MYLK: variants seen among roughly 807,000 people sequenced by gnomAD.
MYLK encodes myosin light chain kinase, also known as myosin light chain kinase, smooth muscle.
MYLK carries 106 observed loss-of-function variants against 203.4 expected under a neutral mutation model. The observed-to-expected ratio is 0.52, with a 90% CI of 0.45 to 0.61. The LOEUF is 0.61. MYLK is among the 20% of genes least tolerant of loss of function. The pLI is 0.00. For missense variants in MYLK, 2,072 were observed against 2,442.3 expected, an observed-to-expected ratio of 0.85 and a Z score of 3.20; for synonymous variants, 867 against 959.5, an observed-to-expected ratio of 0.90 and a Z score of 1.78.
At chr3:123,682,428 G>A (rs2060301423) in intron 19 of MYLK, 118 bp from the exon 20 acceptor site, 2 of 802,128 alleles carry the variant, frequency 2.5e-6, no homozygotes, top group African/African-American at 1.7e-5. Flanking sequence ...GGCCCTTTGT[G>A]CCCGCTGGGC....
chr3:123,666,213 A>G lies in MYLK; in HGVS notation c.3831+6T>C. The G allele has an allele frequency of 6.2e-7, 1 of 1,614,168 alleles. No individual in the cohort carries two copies. Among genetic ancestry groups the G allele is most frequent in the Non-Finnish European group, 8.5e-7 (1 of 1,180,026 alleles). On this transcript the variant is annotated splice_donor_region_variant and intron_variant, in intron 22 of 33. Transcript: ENST00000360304. ...CCCCCAGTGCCCACCCCATACCGTC[A>G]CTGACCTGCTTTCGGAACTTCATCC...
Position 123,664,245 on chromosome 3 carries a change from T to C in MYLK, c.3845A>G (p.Glu1282Gly). The C allele has an allele frequency of 6.2e-7, 1 of 1,614,158 alleles. No homozygotes were observed. The highest frequency in any genetic ancestry group is 8.5e-7 in the Non-Finnish European group (1 of 1,180,022). Residue 1282 changes from glutamate to glycine, a missense_variant, in exon 23 of 34, where the codon GAG (glutamate) becomes GGG (glycine). This residue lies in a region of MYLK where 865 missense variants were observed against 1,016.0 expected (regional missense o/e 0.85). Coordinates refer to ENST00000360304, the MANE Select transcript of MYLK (RefSeq NM_053025.4). Reference protein sequence around the residue: ...MKFRKQIQESEHMKVENSENG... With the variant: ...MKFRKQIQESGHMKVENSENG... ...CTCGCTGTTCTCCACCTTCATGTGC[T>C]CGCTTTCCTGGATCTAGGGGCGGAG...
intron 4 of MYLK, among the ~76,000 whole-genome samples, chr3:123,789,894 C>G (rs1479095734): frequency 6.6e-6 from 1 of 152,204 alleles, no homozygotes; most frequent in African/African-American, 2.4e-5. Context: ...AAGGAACCCC[C>G]ATCCCTGTGC....
chr3:123,736,905 C>T (rs919341064), intron 8 of MYLK, among the ~76,000 whole-genome samples: 5 of 152,144 alleles, frequency 3.3e-5, no homozygotes, highest in African/African-American at 9.7e-5. Context: ...GCCAGGTCTG[C>T]GCTGCCCTGT....
chr3:123,819,513 G>A (rs963124473), intron 3 of MYLK, among the ~76,000 whole-genome samples: 2 of 152,098 alleles, frequency 1.3e-5, no homozygotes, highest in African/African-American at 4.8e-5. Flanking sequence ...ATGAAACTGT[G>A]GCAGGTTAAC....
At chr3:123,647,524 C>T in intron 26 of MYLK, 97 bp from the exon 27 acceptor site, 1 of 1,031,396 alleles carries the variant, frequency 9.7e-7, no homozygotes, top group Non-Finnish European at 1.5e-6. Flanking sequence ...AGATCTGGCC[C>T]ACCTCCTTTT....
intron 4 of MYLK, among the ~76,000 whole-genome samples, chr3:123,778,799 T>C (rs2064178234): frequency 6.6e-6 from 1 of 152,138 alleles, no homozygotes; most frequent in South Asian, 2.1e-4. Context: ...TTAGGGACAG[T>C]GTGTTCAAGG....
chr3:123,844,830 T>C (rs931818680), intron 2 of MYLK, among the ~76,000 whole-genome samples: 1 of 149,648 alleles, frequency 6.7e-6, no homozygotes, highest in East Asian at 2.0e-4. Flanking sequence ...TTGTTTTTTT[T>C]TTTTTTTTTT....
chr3:123,789,477 TG>T (rs769941227), intron 4 of MYLK, among the ~76,000 whole-genome samples: 9 of 151,894 alleles, frequency 5.9e-5, no homozygotes, highest in Non-Finnish European at 8.8e-5. Context: ...GCGTATCCCT[TG>T]GGCAGACAGG....
intron 29 of MYLK, among the ~76,000 whole-genome samples, chr3:123,636,238 G>C (rs1213999264): frequency 6.6e-6 from 1 of 152,370 alleles, no homozygotes; most frequent in Non-Finnish European, 1.5e-5. Flanking sequence ...TATCCTGGCA[G>C]ACTGGGACGA....
At chr3:123,645,765 T>C (rs1283054216) in intron 27 of MYLK, among the ~76,000 whole-genome samples, 1 of 152,216 alleles carries the variant, frequency 6.6e-6, no homozygotes, top group East Asian at 1.9e-4. Context: ...TGTGATTTTC[T>C]ATACAACAAA....
intron 10 of MYLK, 132 bp from the exon 11 acceptor site, chr3:123,733,234 T>C: frequency 5.0e-6 from 5 of 993,248 alleles, no homozygotes. Flanking sequence ...CACCTCTGAG[T>C]CTGCTTCCTC....
chr3:123,678,293 C>T (rs866676261), intron 20 of MYLK, among the ~76,000 whole-genome samples: 1 of 152,062 alleles, frequency 6.6e-6, no homozygotes, highest in Non-Finnish European at 1.5e-5. Flanking sequence ...TTATCATTTT[C>T]TCTCCAGCCA....
At chr3:123,657,491 G>T in intron 23 of MYLK, 63 bp from the exon 24 acceptor site, 8 of 1,553,170 alleles carry the variant, frequency 5.2e-6, no homozygotes, top group Non-Finnish European at 1.8e-6. Context: ...GGAAGTTTTT[G>T]AATTACCTGT....
intron 4 of MYLK, among the ~76,000 whole-genome samples, chr3:123,765,072 C>T (rs2063659746): frequency 6.6e-6 from 1 of 152,092 alleles, no homozygotes; most frequent in African/African-American, 2.4e-5. Context: ...TAGAAAATAA[C>T]AAGTATGGGC....
intron 3 of MYLK, among the ~76,000 whole-genome samples, chr3:123,805,588 C>T (rs1225772572): frequency 6.6e-6 from 1 of 152,162 alleles, no homozygotes; most frequent in Non-Finnish European, 1.5e-5. Context: ...GTATCATAAA[C>T]ACAGCTGGGG....
chr3:123,678,440 G>A (rs1167193021), intron 20 of MYLK, among the ~76,000 whole-genome samples: 3 of 151,940 alleles, frequency 2.0e-5, no homozygotes, highest in Admixed American at 6.6e-5. Flanking sequence ...ACTTCTGTCC[G>A]CTTTCTCTCA....
intron 3 of MYLK, among the ~76,000 whole-genome samples, chr3:123,827,376 G>T (rs2066154999): frequency 1.3e-5 from 2 of 151,778 alleles, no homozygotes; most frequent in African/African-American, 4.8e-5. Flanking sequence ...AAAAGTCAAA[G>T]ACAAAGAAAG....
At chr3:123,633,320 T>C (rs528452900) in intron 29 of MYLK, among the ~76,000 whole-genome samples, 4 of 151,774 alleles carry the variant, frequency 2.6e-5, no homozygotes, top group Admixed American at 6.6e-5. Flanking sequence ...AGAGATGGGG[T>C]TTTGCCATGT....
Sources: gnomAD v4.1 joint callset for allele counts (sites outside exome capture counted in the v4.1 genomes callset) on GRCh38, gnomAD v4.1.1 for gene constraint, gnomAD v4.1.1 regional missense constraint, MANE v1.5 for transcripts, NCBI Gene and HGNC (gene_info 2026-07-23, HGNC 2026-07-21) for gene names.